The following CGGBP1 variants were observed in gnomAD, a reference collection of about 807,000 sequenced individuals.
CGGBP1 encodes CGG triplet repeat binding protein 1.
In CGGBP1, 4 loss-of-function variants were observed where a neutral mutation model predicts 11.4. The ratio of observed to expected loss-of-function variants is 0.35; its 90% CI spans 0.17 to 0.80. The LOEUF (loss-of-function observed/expected upper bound fraction) is 0.80. Among genes scored for constraint, CGGBP1 ranks in the 30% least tolerant of loss-of-function variants. The probability of loss-of-function intolerance (pLI) is 0.52; values close to 1 mark genes in which losing one functional copy is unlikely to be tolerated. For missense variants in CGGBP1, 135 were observed against 202.1 expected (o/e 0.67, Z 2.01); for synonymous variants, 76 against 74.1 (o/e 1.03, Z -0.13).
rs377604926 is a variant in CGGBP1, at chr3:88,140,665, C to T, written c.-229+305G>A. ...TCAGATCCTGCTTTGAAAATTGATA[C>T]AAACAGAATCAGGACAGAAAATGGT... On this transcript the variant is annotated intron_variant, in intron 2 of 3. Transcript: ENST00000462901. 73 of 1,613,564 alleles carry T rather than the reference C, an allele frequency of 4.5e-5. No individual in the cohort carries two copies. The highest frequency in any genetic ancestry group is 5.8e-5 in the Non-Finnish European group (69 of 1,179,736).
chr3:88,124,986 C>CA (rs1378651516), intron 2 of CGGBP1, among the ~76,000 whole-genome samples: 1 of 152,028 alleles, frequency 6.6e-6, no homozygotes, highest in Non-Finnish European at 1.5e-5. Context: ...GAGGCCGAGG[C>CA]AGGCGGATCA....
At chr3:88,087,611 A>G (rs1373710612) in intron 2 of CGGBP1, among the ~76,000 whole-genome samples, 1 of 152,232 alleles carries the variant, frequency 6.6e-6, no homozygotes, top group East Asian at 1.9e-4. Flanking sequence ...ACAGCGGAGC[A>G]AGTCACAGCT....
At chr3:88,083,069 T>TTCCTCACTCTTCC (rs1187015278) in intron 2 of CGGBP1, among the ~76,000 whole-genome samples, 2 of 151,374 alleles carry the variant, frequency 1.3e-5, no homozygotes, top group East Asian at 2.0e-4. Flanking sequence ...CTCCCTCTTC[T>TTCCTCACTCTTCC]TCCTCACTCT....
intron 2 of CGGBP1, chr3:88,140,573 AAAT>A (rs1164959612): frequency 1.2e-6 from 2 of 1,613,608 alleles, no homozygotes; most frequent in African/African-American, 2.7e-5. Flanking sequence ...CAAATTCTGA[AAAT>A]AATTGTAGTA....
intron 2 of CGGBP1, among the ~76,000 whole-genome samples, chr3:88,114,648 A>T (rs1352688604): frequency 6.6e-6 from 1 of 151,998 alleles, no homozygotes; most frequent in Non-Finnish European, 1.5e-5. Context: ...CCTACTCTGA[A>T]TTTCCTTGAG....
At chr3:88,103,761 ACT>A (rs1704569816) in intron 2 of CGGBP1, among the ~76,000 whole-genome samples, 2 of 116,570 alleles carry the variant, frequency 1.7e-5, no homozygotes, top group African/African-American at 3.1e-5. Flanking sequence ...AGATGTATTA[ACT>A]TTTTTTTTTT....
At chr3:88,141,710 G>T in intron 1 of CGGBP1, 1 of 1,348,840 alleles carries the variant, frequency 7.4e-7, no homozygotes, top group African/African-American at 1.4e-5. Context: ...AGCACTATAA[G>T]AAAATGCATC....
chr3:88,136,123 G>A (rs1576350306), intron 2 of CGGBP1, among the ~76,000 whole-genome samples: 1 of 152,162 alleles, frequency 6.6e-6, no homozygotes, highest in South Asian at 2.1e-4. Flanking sequence ...CTATGTTACA[G>A]AACACGTCTT....
chr3:88,116,936 G>C (rs1705445019), intron 2 of CGGBP1, among the ~76,000 whole-genome samples: 1 of 152,118 alleles, frequency 6.6e-6, no homozygotes, highest in Non-Finnish European at 1.5e-5. Flanking sequence ...GATGACTAAA[G>C]AGGATAAATA....
intron 2 of CGGBP1, among the ~76,000 whole-genome samples, chr3:88,104,176 A>G (rs1384161791): frequency 6.6e-6 from 1 of 152,224 alleles, no homozygotes; most frequent in East Asian, 1.9e-4. Flanking sequence ...AGGGAGTTCC[A>G]TAAGCAGCAC....
intron 2 of CGGBP1, among the ~76,000 whole-genome samples, chr3:88,071,617 CAGAGCGAGACTCCATCTCAA>C (rs1707517265): frequency 1.4e-5 from 2 of 148,008 alleles, no homozygotes; most frequent in Non-Finnish European, 3.0e-5. Context: ...GCCTGGGTGA[CAGAGCGAGACTCCATCTCAA>C]AAACAAACAA....
intron 2 of CGGBP1, among the ~76,000 whole-genome samples, chr3:88,119,656 C>T (rs1011548923): frequency 2.0e-5 from 3 of 151,788 alleles, no homozygotes; most frequent in African/African-American, 7.3e-5. Context: ...TCTGCTAAAT[C>T]AAATTTTATA....
intron 2 of CGGBP1, among the ~76,000 whole-genome samples, chr3:88,092,663 C>T (rs982841601): frequency 2.6e-5 from 4 of 151,832 alleles, no homozygotes; most frequent in African/African-American, 9.7e-5. Flanking sequence ...TTTTTATTTG[C>T]TTGACATATG....
intron 2 of CGGBP1, among the ~76,000 whole-genome samples, chr3:88,093,191 G>GT (rs1397493552): frequency 1.3e-5 from 2 of 152,110 alleles, no homozygotes; most frequent in African/African-American, 2.4e-5. Context: ...GTTCTTACTG[G>GT]TTTTTTCCTT....
chr3:88,055,468 C>T lies in CGGBP1; in HGVS notation c.*5G>A. ...ATCTTGATCACAATGGTGGTAACCT[C>T]CTAGTCAACAATCTTGTGAGTTGAG... On this transcript the variant is annotated 3_prime_UTR_variant, in exon 4 of 4. Coordinates refer to ENST00000482016, the MANE Select transcript of CGGBP1 (RefSeq NM_001008390.2). The surrounding 1 kb of genome is among the most constrained non-coding windows in gnomAD (Gnocchi z 4.2). The T allele has an allele frequency of 6.6e-7, 1 of 1,513,958 alleles. No individual in the cohort carries two copies. Among genetic ancestry groups the T allele is most frequent in the South Asian group, 1.4e-5 (1 of 73,422 alleles). The allele number at this position is 1,513,958 out of a possible 1,614,324, so 93.8% of individuals were successfully genotyped here.
intron 2 of CGGBP1, 176 bp downstream of exon 2, chr3:88,057,843 G>A (rs1706599656): frequency 6.6e-6 from 1 of 152,224 alleles, no homozygotes; most frequent in South Asian, 2.1e-4. Flanking sequence ...TTTCCACCCA[G>A]TAGAGGATGC....
At chr3:88,058,731 T>C (rs1706654421) in intron 1 of CGGBP1, 84 bp downstream of exon 1, 1 of 152,308 alleles carries the variant, frequency 6.6e-6, no homozygotes, top group Non-Finnish European at 1.5e-5. Flanking sequence ...CCGCCCCCGG[T>C]TCCAGCTTCT....
upstream of CGGBP1, among the ~76,000 whole-genome samples, chr3:88,059,712 C>T (rs1706738206): frequency 6.6e-6 from 1 of 152,032 alleles, no homozygotes; most frequent in African/African-American, 2.4e-5. Context: ...CTTAGGGTTG[C>T]TGAGAAAGTG....
intron 2 of CGGBP1, chr3:88,129,570 C>A: frequency 1.3e-6 from 1 of 797,216 alleles, no homozygotes; most frequent in Non-Finnish European, 1.9e-6. Context: ...TCATCATTGT[C>A]TTTGTAGAAG....
Sources: gnomAD v4.1 joint callset for allele counts (sites outside exome capture counted in the v4.1 genomes callset) on GRCh38, gnomAD v4.1.1 for gene constraint, Gnocchi (gnomAD v3.1) non-coding constraint, MANE v1.5 for transcripts, NCBI Gene and HGNC (gene_info 2026-07-23, HGNC 2026-07-21) for gene names.